The following SLC38A4 variants were observed in gnomAD, a reference collection of about 807,000 sequenced individuals.
SLC38A4 encodes the protein sodium-coupled neutral amino acid transporter 4.
Under a neutral mutation model 63.1 loss-of-function variants are expected in SLC38A4, and 20 were observed. The observed-to-expected ratio is 0.32, with a 90% CI of 0.22 to 0.46. SLC38A4 has a LOEUF of 0.46. Ranked by LOEUF, SLC38A4 falls within the 20% of genes least tolerant of loss-of-function variation. The probability of loss-of-function intolerance (pLI) is 1.00; values close to 1 mark genes in which losing one functional copy is unlikely to be tolerated. For synonymous variants in SLC38A4, 230 were observed against 225.5 expected (o/e 1.02, Z -0.18); for missense variants, 526 against 663.6 (o/e 0.79, Z 2.28).
At chr12:46,823,975 G>A (rs1939599761) in intron 1 of SLC38A4, among the ~76,000 whole-genome samples, 1 of 152,198 alleles carries the variant, frequency 6.6e-6, no homozygotes, top group Non-Finnish European at 1.5e-5. Context: ...CAGATGAGGT[G>A]GAGGTGAAAG....
chr12:46,830,371 C>A (rs555835735), upstream of SLC38A4, among the ~76,000 whole-genome samples: 5 of 151,604 alleles, frequency 3.3e-5, no homozygotes, highest in African/African-American at 1.2e-4. Flanking sequence ...CCAATTTCAG[C>A]GACTTTTTAG....
chr12:46,785,487 T>A (rs1938739229), intron 5 of SLC38A4, among the ~76,000 whole-genome samples: 1 of 152,080 alleles, frequency 6.6e-6, no homozygotes, highest in Non-Finnish European at 1.5e-5. Flanking sequence ...ATCTACTTAC[T>A]CAGCACATGG....
At chr12:46,778,248 T>A in intron 12 of SLC38A4, 41 bp downstream of exon 12, 1 of 1,592,594 alleles carries the variant, frequency 6.3e-7, no homozygotes, top group Non-Finnish European at 8.6e-7. Context: ...ATGAGCAGAA[T>A]TTCAAAGCAA....
intron 5 of SLC38A4, among the ~76,000 whole-genome samples, chr12:46,785,751 T>C (rs1193547759): frequency 8.1e-5 from 12 of 148,558 alleles, no homozygotes; most frequent in East Asian, 7.9e-4. Flanking sequence ...TTTTTTTTTT[T>C]TTTTTTTTTT....
chr12:46,807,081 A>C (rs1344252967), intron 1 of SLC38A4, among the ~76,000 whole-genome samples: 1 of 152,044 alleles, frequency 6.6e-6, no homozygotes, highest in East Asian at 1.9e-4. Flanking sequence ...ACTATACCTA[A>C]ATTTCTAATT....
intron 2 of SLC38A4, among the ~76,000 whole-genome samples, chr12:46,802,760 T>C (rs536986468): frequency 6.7e-4 from 102 of 152,170 alleles, no homozygotes; most frequent in Non-Finnish European, 1.2e-3. Context: ...AATTCAAATA[T>C]TCTTCCACTG....
intron 2 of SLC38A4, among the ~76,000 whole-genome samples, chr12:46,802,561 C>G (rs531079257): frequency 1.1e-4 from 16 of 151,954 alleles, no homozygotes; most frequent in Non-Finnish European, 1.8e-4. Flanking sequence ...TGCTTATATA[C>G]TTCTTAGGAG....
upstream of SLC38A4, among the ~76,000 whole-genome samples, chr12:46,830,039 C>T (rs1939708106): frequency 6.6e-6 from 1 of 151,756 alleles, no homozygotes; most frequent in African/African-American, 2.4e-5. Flanking sequence ...CTAGTTCAGA[C>T]CAGCCTCCAG....
chr12:46,777,602 G>A (rs780646445), intron 12 of SLC38A4, among the ~76,000 whole-genome samples: 44 of 152,102 alleles, frequency 2.9e-4, no homozygotes, highest in Middle Eastern at 6.8e-3. Flanking sequence ...TAGTGAGAAT[G>A]AAGACTGAGG....
chr12:46,770,746 G>A (rs981134765), intron 14 of SLC38A4, among the ~76,000 whole-genome samples: 11 of 152,014 alleles, frequency 7.2e-5, no homozygotes, highest in African/African-American at 2.7e-4. Context: ...TGGACTTAGT[G>A]GAATTACTCT....
intron 2 of SLC38A4, among the ~76,000 whole-genome samples, chr12:46,796,874 A>T (rs1273152555): frequency 1.3e-5 from 2 of 152,090 alleles, no homozygotes; most frequent in African/African-American, 4.8e-5. Flanking sequence ...GTTGCCCATG[A>T]TCTATGCCTC....
Position 46,810,386 on chromosome 12 carries a change from C to T in SLC38A4, c.-304-6592G>A, listed in dbSNP as rs1466038589. On this transcript the variant is annotated intron_variant, in intron 1 of 16. Coordinates refer to ENST00000266579, the MANE Select transcript of SLC38A4 (RefSeq NM_018018.5). The stretch of plus-strand genomic sequence containing the variant: ...GGGGAACATCACACACCGGGGCTGT[C>T]GGTGGGTAGGGGGCTAGGGGAGGGA... 3.3e-5 allele frequency among the ~76,000 whole-genome samples: 5 copies of T among 151,450 alleles called. No homozygotes were observed. In the Middle Eastern group the frequency reaches 0.01, roughly 309 times the overall value.
At chr12:46,816,035 G>C (rs1939436206) in intron 1 of SLC38A4, among the ~76,000 whole-genome samples, 1 of 151,894 alleles carries the variant, frequency 6.6e-6, no homozygotes, top group African/African-American at 2.4e-5. Flanking sequence ...ACTGTAGTCT[G>C]ACATTTAATA....
At chr12:46,814,693 T>C (rs1219552060) in intron 1 of SLC38A4, among the ~76,000 whole-genome samples, 1 of 151,948 alleles carries the variant, frequency 6.6e-6, no homozygotes, top group South Asian at 2.1e-4. Flanking sequence ...TTTTTAATCA[T>C]TATGAATCAG....
intron 14 of SLC38A4, among the ~76,000 whole-genome samples, chr12:46,773,057 G>A (rs1938450051): frequency 6.6e-6 from 1 of 152,022 alleles, no homozygotes; most frequent in African/African-American, 2.4e-5. Context: ...ATTGAATTTA[G>A]CTTCAGAGGA....
chr12:46,808,831 A>T (rs973083024), intron 1 of SLC38A4, among the ~76,000 whole-genome samples: 1 of 152,056 alleles, frequency 6.6e-6, no homozygotes, highest in African/African-American at 2.4e-5. Context: ...AGAAAACAGC[A>T]CTGCTAAGAG....
chr12:46,820,269 A>T (rs1318360397), intron 1 of SLC38A4, among the ~76,000 whole-genome samples: 1 of 152,006 alleles, frequency 6.6e-6, no homozygotes, highest in Non-Finnish European at 1.5e-5. Context: ...TATACAGCAG[A>T]TCTCTAGAAC....
At chr12:46,804,995 A>T (rs1344134592) in intron 1 of SLC38A4, among the ~76,000 whole-genome samples, 2 of 152,060 alleles carry the variant, frequency 1.3e-5, no homozygotes, top group Non-Finnish European at 2.9e-5. Context: ...CAAAAATTGC[A>T]ATAATTGTTA....
intron 2 of SLC38A4, among the ~76,000 whole-genome samples, chr12:46,794,190 C>T (rs899394878): frequency 6.6e-6 from 1 of 152,062 alleles, no homozygotes; most frequent in Non-Finnish European, 1.5e-5. Flanking sequence ...ATTCCTCTGA[C>T]AAACAGAAAC....
Sources: gnomAD v4.1 joint callset for allele counts (sites outside exome capture counted in the v4.1 genomes callset) on GRCh38, gnomAD v4.1.1 for gene constraint, MANE v1.5 for transcripts, NCBI Gene and HGNC (gene_info 2026-07-23, HGNC 2026-07-21) for gene names.